EFCAB5: variants seen among roughly 807,000 people sequenced by gnomAD.
The protein encoded by EFCAB5 is EF-hand calcium binding domain 5.
Under a neutral mutation model 167.9 loss-of-function variants are expected in EFCAB5, and 131 were observed. The ratio of observed to expected loss-of-function variants is 0.78; its 90% CI spans 0.68 to 0.90. The LOEUF (loss-of-function observed/expected upper bound fraction) is 0.90. EFCAB5 is among the 40% of genes least tolerant of loss of function. The pLI, the probability that EFCAB5 is intolerant of heterozygous loss-of-function variation, is 0.00. For synonymous variants in EFCAB5, 574 were observed against 602.8 expected, an observed-to-expected ratio of 0.95 and a Z score of 0.70; for missense variants, 1,663 against 1,745.2, an observed-to-expected ratio of 0.95 and a Z score of 0.84.
At chr17:30,029,033 A>G (rs1263114711) in intron 7 of EFCAB5, among the ~76,000 whole-genome samples, 2 of 152,156 alleles carry the variant, frequency 1.3e-5, no homozygotes, top group African/African-American at 4.8e-5. Flanking sequence ...AGCTTATAAC[A>G]TTACCTAAGC....
chr17:30,009,612 T>C (rs1271805354), intron 7 of EFCAB5, among the ~76,000 whole-genome samples: 3 of 152,202 alleles, frequency 2.0e-5, no homozygotes, highest in Non-Finnish European at 4.4e-5. Context: ...ATGAACATAC[T>C]ACCTTTTATT....
At chr17:30,069,265 T>G (rs1351008083) in intron 14 of EFCAB5, 4 of 1,510,702 alleles carry the variant, frequency 2.6e-6, no homozygotes, top group Non-Finnish European at 3.7e-6. Flanking sequence ...AAAGACAACC[T>G]GAATTGGGAA....
chr17:30,089,089 C>G (rs762115360), intron 19 of EFCAB5, among the ~76,000 whole-genome samples: 37 of 152,144 alleles, frequency 2.4e-4, no homozygotes, highest in African/African-American at 8.9e-4. Flanking sequence ...ATCCCTCCCC[C>G]TTCCCTCCAC....
chr17:30,061,898 G>A (rs898646273), intron 14 of EFCAB5, among the ~76,000 whole-genome samples: 1 of 152,106 alleles, frequency 6.6e-6, no homozygotes, highest in Admixed American at 6.6e-5. Flanking sequence ...GTCTAATACA[G>A]CCTAATCTTT....
At chr17:29,998,564 G>A (rs1243932829) in intron 6 of EFCAB5, among the ~76,000 whole-genome samples, 2 of 152,194 alleles carry the variant, frequency 1.3e-5, no homozygotes, top group Non-Finnish European at 2.9e-5. Flanking sequence ...AACTGTTACT[G>A]CTAGAAACGT....
At chr17:29,995,917 C>T (rs7213902) in intron 5 of EFCAB5, among the ~76,000 whole-genome samples, 57,262 of 151,714 alleles carry the variant, frequency 0.38, 12,999 homozygotes, top group East Asian at 0.68. Flanking sequence ...CCATTCTTCC[C>T]GCCAAGCTTC....
intron 4 of EFCAB5, among the ~76,000 whole-genome samples, chr17:29,970,813 G>A (rs2067938530): frequency 6.6e-6 from 1 of 152,064 alleles, no homozygotes. Context: ...GGTAGCTCAC[G>A]CCTGTAATCC....
chr17:29,968,280 T>A, intron 3 of EFCAB5: 1 of 443,150 alleles, frequency 2.3e-6, no homozygotes, highest in South Asian at 1.6e-5. Context: ...AAATAAGTTA[T>A]AATTTGTCTA....
At chr17:29,942,180 A>G in intron 1 of EFCAB5, 60 bp from the exon 2 acceptor site, 23 of 1,384,856 alleles carry the variant, frequency 1.7e-5, no homozygotes, top group Non-Finnish European at 2.2e-5. Flanking sequence ...AAAGTATGAG[A>G]CAGTAGTTTA....
intron 9 of EFCAB5, 32 bp downstream of exon 9, chr17:30,051,249 C>A: frequency 6.3e-7 from 1 of 1,596,024 alleles, no homozygotes; most frequent in Non-Finnish European, 8.6e-7. Context: ...TATGTTCAAG[C>A]TGGAGTGTCG....
intron 21 of EFCAB5, among the ~76,000 whole-genome samples, 183 bp from the exon 22 acceptor site, chr17:30,092,657 G>C (rs1035496175): frequency 1.3e-5 from 2 of 152,110 alleles, no homozygotes; most frequent in African/African-American, 4.8e-5. Context: ...TCAAAGTGCT[G>C]GGATTACAGG....
chr17:29,991,178 C>T (rs183687035), intron 4 of EFCAB5, among the ~76,000 whole-genome samples: 1 of 152,328 alleles, frequency 6.6e-6, no homozygotes, highest in Non-Finnish European at 1.5e-5. Flanking sequence ...CGGGTGTCCT[C>T]CAGCTTAGTT....
At chr17:29,952,108 G>T (rs1245881155) in intron 3 of EFCAB5, among the ~76,000 whole-genome samples, 1 of 152,166 alleles carries the variant, frequency 6.6e-6, no homozygotes, top group African/African-American at 2.4e-5. Context: ...CCTTGTCTCT[G>T]CTTCCTAGAT....
intron 3 of EFCAB5, among the ~76,000 whole-genome samples, chr17:29,949,391 T>C (rs1367316851): frequency 6.6e-6 from 1 of 152,210 alleles, no homozygotes; most frequent in Non-Finnish European, 1.5e-5. Context: ...GATGTACATA[T>C]TGGGGGCAGA....
chr17:30,054,914 C>T (rs1183757209), intron 10 of EFCAB5, among the ~76,000 whole-genome samples: 1 of 152,050 alleles, frequency 6.6e-6, no homozygotes, highest in Non-Finnish European at 1.5e-5. Flanking sequence ...TTTATTTTAC[C>T]TAATAATGGC....
At chr17:30,082,160 T>C (rs548902181) in intron 17 of EFCAB5, among the ~76,000 whole-genome samples, 38 of 152,304 alleles carry the variant, frequency 2.5e-4, no homozygotes, top group Non-Finnish European at 5.3e-4. Flanking sequence ...GTCGATCTGA[T>C]GATAGTGGCC....
rs1380954028 is a variant in EFCAB5, at chr17:30,054,204, A to AAGTCTTTT, written c.2194+57_2194+64dup. The AAGTCTTTT allele has an allele frequency of 8.2e-6, 12 of 1,460,742 alleles. No homozygotes were observed. The African/African-American group carries it at 1.4e-4, about 17-fold the overall frequency. 90.5% of individuals were successfully genotyped at this position (1,460,742 alleles called of 1,614,324 possible). ...TCCCTGTTTTGTGGAATGGTTTTTA[A>AAGTCTTTT]AGTCTTTTCAGAAAACACTCATTTA... is the stretch of plus-strand genomic sequence containing the variant. On this transcript the variant is annotated intron_variant, in intron 10 of 22. Transcript: ENST00000394835.
chr17:30,068,896 GAC>G, intron 14 of EFCAB5: 1 of 1,535,814 alleles, frequency 6.5e-7, no homozygotes. Context: ...GAGGATGACA[GAC>G]ACAGAACGAG....
intron 3 of EFCAB5, 55 bp from the exon 4 acceptor site, chr17:29,968,736 A>G: frequency 1.5e-6 from 2 of 1,352,552 alleles, no homozygotes; most frequent in Non-Finnish European, 9.8e-7. Context: ...CTAAAGTCAC[A>G]TAGATTAAAA....
Sources: gnomAD v4.1 joint callset for allele counts (sites outside exome capture counted in the v4.1 genomes callset) on GRCh38, gnomAD v4.1.1 for gene constraint, MANE v1.5 for transcripts, NCBI Gene and HGNC (gene_info 2026-07-23, HGNC 2026-07-21) for gene names.